PI4KA: variants seen among roughly 807,000 people sequenced by gnomAD.
PI4KA encodes PI4-kinase alpha.
Under a neutral mutation model 271.4 loss-of-function variants are expected in PI4KA, and 122 were observed. The ratio of observed to expected loss-of-function variants is 0.45; its 90% CI spans 0.39 to 0.52. The LOEUF is 0.52. Ranked by LOEUF, PI4KA falls within the 20% of genes least tolerant of loss-of-function variation. The probability of loss-of-function intolerance (pLI) is 0.00; values close to 1 mark genes in which losing one functional copy is unlikely to be tolerated. For missense variants in PI4KA, 1,969 were observed against 2,769.1 expected, an observed-to-expected ratio of 0.71 and a Z score of 6.48; for synonymous variants, 1,041 against 1,078.8, an observed-to-expected ratio of 0.96 and a Z score of 0.69.
intron 19 of PI4KA, chr22:20,779,188 G>A: frequency 6.3e-7 from 1 of 1,584,242 alleles, no homozygotes; most frequent in Middle Eastern, 1.7e-4. Context: ...AACTAATGCT[G>A]TGAGGGCCTC....
chr22:20,779,817 C>A, intron 19 of PI4KA: 1 of 1,614,192 alleles, frequency 6.2e-7, no homozygotes, highest in African/African-American at 1.3e-5. Context: ...TTCCTTAGGT[C>A]TGAAGGGAGA....
chr22:20,735,050 C>T (rs966169542), intron 32 of PI4KA, among the ~76,000 whole-genome samples: 3 of 151,976 alleles, frequency 2.0e-5, no homozygotes, highest in Admixed American at 6.6e-5. Flanking sequence ...GGAGCCGAGG[C>T]GAGCCTGCAG....
At chr22:20,713,574 G>A (rs948157025) in intron 47 of PI4KA, among the ~76,000 whole-genome samples, 184 bp from the exon 48 acceptor site, 1 of 152,240 alleles carries the variant, frequency 6.6e-6, no homozygotes, top group African/African-American at 2.4e-5. Flanking sequence ...GGAACAGCAG[G>A]TGGAATCCAG....
At chr22:20,785,265 T>C (rs1457690640) in intron 19 of PI4KA, among the ~76,000 whole-genome samples, 2 of 152,182 alleles carry the variant, frequency 1.3e-5, no homozygotes, top group Non-Finnish European at 2.9e-5. Context: ...AGATGAGGTC[T>C]CGCTGTGTTG....
intron 23 of PI4KA, among the ~76,000 whole-genome samples, chr22:20,758,454 C>CTTT (rs1601421649): frequency 2.6e-5 from 2 of 77,610 alleles, no homozygotes; most frequent in Admixed American, 1.4e-4. Flanking sequence ...ATTTTTCTTT[C>CTTT]TTTTCTTTTT....
At chr22:20,714,157 C>T (rs908712431) in intron 47 of PI4KA, among the ~76,000 whole-genome samples, 3 of 151,984 alleles carry the variant, frequency 2.0e-5, no homozygotes, top group East Asian at 1.9e-4. Flanking sequence ...TGAGATCGTC[C>T]GTACGGTAGC....
At chr22:20,760,096 C>T (rs1286550617) in intron 23 of PI4KA, among the ~76,000 whole-genome samples, 1 of 152,172 alleles carries the variant, frequency 6.6e-6, no homozygotes, top group African/African-American at 2.4e-5. Flanking sequence ...CTATCAAAGG[C>T]TTCTGGTGCG....
intron 12 of PI4KA, 63 bp from the exon 13 acceptor site, chr22:20,803,383 G>A (rs887954551): frequency 6.2e-7 from 1 of 1,601,704 alleles, no homozygotes; most frequent in Non-Finnish European, 8.5e-7. Flanking sequence ...TAGGCCCTGA[G>A]CAGGGAGGTG....
chr22:20,784,855 A>G (rs1212849174), intron 19 of PI4KA, among the ~76,000 whole-genome samples: 1 of 152,202 alleles, frequency 6.6e-6, no homozygotes, highest in African/African-American at 2.4e-5. Flanking sequence ...GGCTAGGCCC[A>G]TATGAAGAAG....
chr22:20,822,870 A>T (rs560208253), intron 4 of PI4KA, among the ~76,000 whole-genome samples: 49 of 152,310 alleles, frequency 3.2e-4, no homozygotes, highest in African/African-American at 1.1e-3. Context: ...AATATTAAGT[A>T]ATGCTGAATA....
chr22:20,742,471 T>C (rs1308251515), intron 31 of PI4KA, 116 bp from the exon 32 acceptor site: 1 of 1,552,190 alleles, frequency 6.4e-7, no homozygotes, highest in Non-Finnish European at 8.8e-7. Context: ...TTATTGACTT[T>C]CCACTCATGA....
chr22:20,779,483 C>T (rs146517069), intron 19 of PI4KA: 43 of 1,613,990 alleles, frequency 2.7e-5, no homozygotes, highest in Non-Finnish European at 1.6e-5. Context: ...TTCTCCCTGC[C>T]GACTTCCACA....
At chr22:20,714,063 C>T (rs1925670134) in intron 47 of PI4KA, among the ~76,000 whole-genome samples, 1 of 152,192 alleles carries the variant, frequency 6.6e-6, no homozygotes, top group African/African-American at 2.4e-5. Context: ...GGCAACACCA[C>T]CAGAAGCTGA....
At chr22:20,799,605 C>T in intron 15 of PI4KA, 66 bp downstream of exon 15, 2 of 1,083,474 alleles carry the variant, frequency 1.8e-6, no homozygotes. Context: ...CGCACAATGC[C>T]AGGTGCCCCA....
Position 20,738,072 on chromosome 22 carries a change from C to T in PI4KA, c.3742-3519G>A, listed in dbSNP as rs531221876. The stretch of plus-strand genomic sequence containing the variant: ...CTTCCAGAAGACCCTGAGAGGAGGG[C>T]ACACTTGTCCTCTTCTGGGAAGTGG... On this transcript the variant is annotated intron_variant, in intron 32 of 54. Coordinates refer to ENST00000255882, the MANE Select transcript of PI4KA (RefSeq NM_058004.4). 2.0e-5 allele frequency among the ~76,000 whole-genome samples: 3 copies of T among 152,298 alleles called. No individual in the cohort carries two copies. The South Asian group carries it at 6.2e-4, about 32-fold the overall frequency.
At chr22:20,745,532 G>A (rs1568980985) in intron 29 of PI4KA, among the ~76,000 whole-genome samples, 1 of 152,090 alleles carries the variant, frequency 6.6e-6, no homozygotes, top group Admixed American at 6.5e-5. Flanking sequence ...AGAAAATACA[G>A]ATGTTGGGGA....
chr22:20,828,477 T>C (rs1376490932), intron 3 of PI4KA, among the ~76,000 whole-genome samples: 1 of 152,188 alleles, frequency 6.6e-6, no homozygotes, highest in Non-Finnish European at 1.5e-5. Context: ...TACAGTATAA[T>C]GATGGCTATG....
rs1925697415 is a variant in PI4KA at position 20,842,629 on chromosome 22, A to G, written c.157-3898T>C. On this transcript the variant is annotated intron_variant, in intron 1 of 54. Transcript: ENST00000255882. ...GGAGTTCGAGACTATCCTGGCCAAC[A>G]TGGCAAAACTCCATCTCTACTAAAA... Among the ~76,000 whole-genome samples, 2 of 150,796 alleles carry G rather than the reference A, an allele frequency of 1.3e-5. 1 individual carries two copies. The highest frequency in any genetic ancestry group is 4.2e-4 in the South Asian group (2 of 4,776).
chr22:20,858,071 G>A lies in PI4KA; in HGVS notation c.156+499C>T, dbSNP rs1199488913. On this transcript the variant is annotated intron_variant, in intron 1 of 54. Transcript: ENST00000255882. ...ACAGTCACAAAGCACTTTCAAGACAGTGTTTCGTCTCCTGGTCACCACAGT... is the reference window on the plus strand; with the variant it reads ...ACAGTCACAAAGCACTTTCAAGACAATGTTTCGTCTCCTGGTCACCACAGT... Among the ~76,000 whole-genome samples, 4 of 152,206 alleles carry A rather than the reference G, an allele frequency of 2.6e-5. No homozygotes were observed. The East Asian group carries it at 7.7e-4, about 29-fold the overall frequency.
Sources: allele counts gnomAD v4.1 joint callset (sites outside exome capture counted in the v4.1 genomes callset), GRCh38; gene constraint gnomAD v4.1.1; transcripts MANE v1.5; gene names NCBI Gene and HGNC (gene_info 2026-07-23, HGNC 2026-07-21).